The following ATRNL1 variants were observed in gnomAD, a reference collection of about 807,000 sequenced individuals.
ATRNL1 encodes attractin-like protein 1.
Under a neutral mutation model 182.7 loss-of-function variants are expected in ATRNL1, and 95 were observed. The ratio of observed to expected loss-of-function variants is 0.52; its 90% CI spans 0.44 to 0.62. The LOEUF (loss-of-function observed/expected upper bound fraction) is 0.62. Among genes scored for constraint, ATRNL1 ranks in the 20% least tolerant of loss-of-function variants. The pLI is 0.00. For missense variants in ATRNL1, 1,471 were observed against 1,679.5 expected, an observed-to-expected ratio of 0.88 and a Z score of 2.17; for synonymous variants, 576 against 568.3, an observed-to-expected ratio of 1.01 and a Z score of -0.19.
intron 24 of ATRNL1, among the ~76,000 whole-genome samples, chr10:115,500,004 A>C (rs1006362300): frequency 2.5e-4 from 38 of 152,280 alleles, no homozygotes; most frequent in Non-Finnish European, 4.6e-4. Context: ...GGTAGGTCCC[A>C]AGTTATTAGG....
chr10:115,674,836 T>A (rs1555042463), intron 26 of ATRNL1, among the ~76,000 whole-genome samples: 1 of 152,074 alleles, frequency 6.6e-6, no homozygotes, highest in African/African-American at 2.4e-5. Flanking sequence ...TGCTAGCAAC[T>A]TTGCATAAAA....
At chr10:115,174,273 TG>T (rs1448364170) in intron 8 of ATRNL1, among the ~76,000 whole-genome samples, 6 of 151,810 alleles carry the variant, frequency 4.0e-5, no homozygotes, top group African/African-American at 1.4e-4. Flanking sequence ...ACTTTCCCCA[TG>T]TTTTCCTTTT....
At chr10:115,466,952 T>C (rs1186804836) in intron 22 of ATRNL1, among the ~76,000 whole-genome samples, 1 of 150,940 alleles carries the variant, frequency 6.6e-6, no homozygotes, top group Non-Finnish European at 1.5e-5. Flanking sequence ...AAAGACCAAA[T>C]TATAATAGAG....
At chr10:115,103,235 C>T (rs950345867) in intron 1 of ATRNL1, among the ~76,000 whole-genome samples, 8 of 151,940 alleles carry the variant, frequency 5.3e-5, no homozygotes, top group Admixed American at 3.3e-4. Flanking sequence ...GATGGGGTTT[C>T]GCCATGTTGG....
At chr10:115,607,137 T>A (rs1481661275) in intron 26 of ATRNL1, among the ~76,000 whole-genome samples, 1 of 151,994 alleles carries the variant, frequency 6.6e-6, no homozygotes, top group African/African-American at 2.4e-5. Flanking sequence ...TTCCTTCAAG[T>A]TTTTTAGGTA....
intron 27 of ATRNL1, among the ~76,000 whole-genome samples, chr10:115,834,081 A>G (rs188615142): frequency 6.6e-4 from 100 of 152,270 alleles, no homozygotes; most frequent in Non-Finnish European, 8.8e-4. Flanking sequence ...TTCTATCTAC[A>G]GTTAATTTGG....
intron 26 of ATRNL1, among the ~76,000 whole-genome samples, chr10:115,625,725 AT>A (rs1858052545): frequency 6.6e-6 from 1 of 152,058 alleles, no homozygotes; most frequent in Non-Finnish European, 1.5e-5. Flanking sequence ...TCAAGAACCT[AT>A]TCCCAGAACT....
chr10:115,266,891 CTT>C lies in ATRNL1; in HGVS notation c.1869_1870del (p.Cys624Ter), dbSNP rs782016742. The C allele has an allele frequency of 6.2e-7, 1 of 1,612,366 alleles. No homozygotes were observed. Among genetic ancestry groups the C allele is most frequent in the Non-Finnish European group, 8.5e-7 (1 of 1,178,890 alleles). On this transcript the variant is annotated frameshift_variant, in exon 12 of 29. Transcript: ENST00000355044. LOFTEE classifies it high-confidence loss of function. Reference sequence around the variant, plus strand: ...TTGCAAGGCTTTCAGAGATGAAGAACTTTGTAAAAATGCTGGTCCAGGGATAA... The same window carrying C: ...TTGCAAGGCTTTCAGAGATGAAGAACTGTAAAAATGCTGGTCCAGGGATAA... ...PNCKAFRDEE[L>X]CKNAGPGIKC...
intron 5 of ATRNL1, among the ~76,000 whole-genome samples, chr10:115,137,254 T>C (rs1554876906): frequency 6.6e-6 from 1 of 152,160 alleles, no homozygotes; most frequent in African/African-American, 2.4e-5. Flanking sequence ...TCTGGCTTAC[T>C]TGAGCAGAAA....
At chr10:115,659,237 T>G (rs560641012) in intron 26 of ATRNL1, among the ~76,000 whole-genome samples, 1 of 152,218 alleles carries the variant, frequency 6.6e-6, no homozygotes, top group East Asian at 1.9e-4. Flanking sequence ...CCAATATAGT[T>G]TCCCTGCACT....
intron 26 of ATRNL1, among the ~76,000 whole-genome samples, chr10:115,552,333 T>TTA (rs782656657): frequency 1.3e-5 from 2 of 151,360 alleles, no homozygotes; most frequent in Non-Finnish European, 3.0e-5. Context: ...GAACCCACTA[T>TTA]TATTTCTTTA....
intron 26 of ATRNL1, among the ~76,000 whole-genome samples, chr10:115,724,807 G>A (rs1320170650): frequency 2.6e-5 from 4 of 152,104 alleles, no homozygotes; most frequent in Non-Finnish European, 5.9e-5. Flanking sequence ...AATTAGGGGA[G>A]GAGGGCAGAA....
At chr10:115,560,930 G>C (rs1410625218) in intron 26 of ATRNL1, among the ~76,000 whole-genome samples, 1 of 152,102 alleles carries the variant, frequency 6.6e-6, no homozygotes, top group Admixed American at 6.5e-5. Context: ...AACAAATGGG[G>C]CTAGGCAACT....
chr10:115,619,112 C>G (rs1857584727), intron 26 of ATRNL1, among the ~76,000 whole-genome samples: 1 of 152,164 alleles, frequency 6.6e-6, no homozygotes, highest in African/African-American at 2.4e-5. Flanking sequence ...GTGTGTTCCT[C>G]ACGGTTTAGG....
intron 21 of ATRNL1, among the ~76,000 whole-genome samples, chr10:115,442,303 C>CTCTCTCTCTCTGTG (rs782157017): frequency 0.017 from 2,072 of 123,706 alleles, 81 homozygotes; most frequent in Middle Eastern, 0.028. Flanking sequence ...CTCTCTCTCT[C>CTCTCTCTCTCTGTG]TGTGTGTATG....
chr10:115,263,547 CAT>C, intron 10 of ATRNL1, among the ~76,000 whole-genome samples: 1 of 151,902 alleles, frequency 6.6e-6, no homozygotes, highest in East Asian at 1.9e-4. Flanking sequence ...TCATTTCTAA[CAT>C]AGGGTAATAC....
At chr10:115,159,946 T>C in intron 5 of ATRNL1, 94 bp from the exon 6 acceptor site, 1 of 903,022 alleles carries the variant, frequency 1.1e-6, no homozygotes. Context: ...ATGATAAACA[T>C]TGAATTCTTA....
chr10:115,194,299 G>T (rs1554890526), intron 8 of ATRNL1, among the ~76,000 whole-genome samples: 1 of 151,938 alleles, frequency 6.6e-6, no homozygotes, highest in Non-Finnish European at 1.5e-5. Context: ...TGCTGTTGAA[G>T]TCCCAAGATA....
intron 26 of ATRNL1, among the ~76,000 whole-genome samples, chr10:115,654,902 T>G (rs1275072392): frequency 2.6e-5 from 4 of 152,180 alleles, no homozygotes; most frequent in Non-Finnish European, 5.9e-5. Context: ...GCCAAGACCT[T>G]AAGAGACTGA....
Sources: gnomAD v4.1 joint callset for allele counts (sites outside exome capture counted in the v4.1 genomes callset) on GRCh38, gnomAD v4.1.1 for gene constraint, MANE v1.5 for transcripts, NCBI Gene and HGNC (gene_info 2026-07-23, HGNC 2026-07-21) for gene names.